ACSM5: variants seen among roughly 807,000 people sequenced by gnomAD.
ACSM5 encodes the protein acyl-CoA synthetase medium chain family member 5, also known as acyl-coenzyme A synthetase ACSM5, mitochondrial.
Under a neutral mutation model 71.6 loss-of-function variants are expected in ACSM5, and 56 were observed. The ratio of observed to expected loss-of-function variants is 0.78; its 90% CI spans 0.63 to 0.98. The LOEUF (loss-of-function observed/expected upper bound fraction) is 0.98, where lower values mean the gene tolerates loss of function less well. Ranked by LOEUF, ACSM5 falls within the 50% of genes least tolerant of loss-of-function variation. The pLI is 0.00. For missense variants in ACSM5, 723 were observed against 726.0 expected (o/e 1.00, Z 0.05); for synonymous variants, 285 against 281.5 (o/e 1.01, Z -0.12).
rs767072905 is a variant in ACSM5, at chr16:20,440,348, C to T, written c.1661C>T (p.Ala554Val). 6.4e-7 allele frequency: 1 copy of T among 1,566,512 alleles called. No individual in the cohort carries two copies. Among genetic ancestry groups the T allele is most frequent in the Non-Finnish European group, 8.8e-7 (1 of 1,136,222 alleles). The change falls in exon 14 of 14, where the codon GCC (alanine) becomes GTC (valine). Residue 554 changes from alanine to valine, a missense_variant. Physicochemically the swap from Ala to Val is moderately conservative, Grantham distance 64 (BLOSUM62 0). Transcript: ENST00000331849. ...TGTTTTGTGTTTGGTCACTAGGTGG[C>T]CTTTGTTTCAGAACTGCCAAAGACG... ...TAPYKYPRKV[A>V]FVSELPKTVS...
intron 12 of ACSM5, 113 bp downstream of exon 12, chr16:20,437,480 A>C: frequency 1.2e-6 from 1 of 862,906 alleles, no homozygotes; most frequent in South Asian, 1.6e-5. Flanking sequence ...TTGTGCCACA[A>C]AGTTGAAATG....
chr16:20,438,970 A>C (rs1182147675), intron 12 of ACSM5, among the ~76,000 whole-genome samples: 1 of 150,042 alleles, frequency 6.7e-6, no homozygotes, highest in Admixed American at 6.7e-5. Flanking sequence ...AAAAAAAAAA[A>C]AAAAAAAAGT....
intron 6 of ACSM5, among the ~76,000 whole-genome samples, chr16:20,427,014 C>A (rs1966993088): frequency 6.6e-6 from 1 of 150,600 alleles, no homozygotes; most frequent in Non-Finnish European, 1.5e-5. Context: ...CTTAAAAGTT[C>A]ACTGGTGGCC....
intron 2 of ACSM5, among the ~76,000 whole-genome samples, chr16:20,416,595 C>G (rs1374029348): frequency 6.6e-6 from 1 of 151,982 alleles, no homozygotes; most frequent in African/African-American, 2.4e-5. Context: ...TATCAAAGAC[C>G]TAAATGAAGA....
chr16:20,422,138 G>C (rs1210909344), intron 5 of ACSM5, among the ~76,000 whole-genome samples: 1 of 151,902 alleles, frequency 6.6e-6, no homozygotes, highest in African/African-American at 2.4e-5. Context: ...TTGAGACAGA[G>C]TTTTGCTCTT....
intron 6 of ACSM5, among the ~76,000 whole-genome samples, chr16:20,426,522 T>A (rs1314163565): frequency 6.6e-6 from 1 of 152,178 alleles, no homozygotes; most frequent in Non-Finnish European, 1.5e-5. Flanking sequence ...CATCCACAGA[T>A]GAATGAATAA....
chr16:20,437,668 T>A (rs1290699499), intron 12 of ACSM5, among the ~76,000 whole-genome samples: 4 of 145,782 alleles, frequency 2.7e-5, no homozygotes, highest in Admixed American at 2.7e-4. Context: ...TCCTGTCTAA[T>A]AAAAAGTCTT....
intron 6 of ACSM5, among the ~76,000 whole-genome samples, chr16:20,427,311 C>T (rs1967001712): frequency 6.6e-6 from 1 of 152,064 alleles, no homozygotes; most frequent in South Asian, 2.1e-4. Context: ...AAAAACCAAA[C>T]AAAAAACAAA....
Position 20,419,271 on chromosome 16 carries a change from C to A in ACSM5, c.459C>A (p.Asp153Glu). ...GTGTGACTCAGCTGACAGAGAAGGA[C>A]CTCAAGTACCGGCTGCAGGCGTCCA... Reference protein sequence around the residue: ...IPGVTQLTEKDLKYRLQASRA... With the variant: ...IPGVTQLTEKELKYRLQASRA... The change falls in exon 4 of 14, where the codon GAC becomes GAA. Residue 153 changes from aspartate (D) to glutamate (E), a missense_variant. Asp to Glu is a conservative substitution (Grantham distance 45, BLOSUM62 2). Transcript: ENST00000331849. 1 of 1,614,104 alleles carries A rather than the reference C, an allele frequency of 6.2e-7. No homozygotes were observed. The highest frequency in any genetic ancestry group is 2.2e-5 in the East Asian group (1 of 44,862).
At position 20,440,478 on chromosome 16, in the gene ACSM5, A is replaced by G; in HGVS notation, c.*51A>G. 2 of 1,496,210 alleles carry G rather than the reference A, an allele frequency of 1.3e-6. No individual in the cohort carries two copies. The highest frequency in any genetic ancestry group is 1.4e-5 in the African/African-American group (1 of 73,156). 92.7% of individuals were successfully genotyped at this position (1,496,210 alleles called of 1,614,324 possible). ...ACCTCCGAAGACTCCACAAGAAACT[A>G]ATGGATCACTGGTCAGTCCCCATGG... On this transcript the variant is annotated 3_prime_UTR_variant, in exon 14 of 14. Transcript: ENST00000331849.
At position 20,418,223 on chromosome 16, in the gene ACSM5, A is replaced by G; in HGVS notation, c.369A>G (p.Pro123=). The G allele has an allele frequency of 6.2e-7, 1 of 1,612,336 alleles. No individual in the cohort carries two copies. Among genetic ancestry groups the G allele is most frequent in the Non-Finnish European group, 8.5e-7 (1 of 1,179,810 alleles). The change falls in exon 3 of 14, where the codon CCA becomes CCG. Residue 123 remains proline (P), a synonymous_variant. Coordinates refer to ENST00000331849, the MANE Select transcript of ACSM5 (RefSeq NM_017888.3). ...GGGACAGAATGATGCTGGTACTCCC[A>G]CGGCTCCCGGAGTGGTGGCTGGTCA... ...QPGDRMMLVL[P]RLPEWWLVSV...
In ACSM5 at chr16:20,441,220, G is replaced by A. The variant is rs1319522090; in HGVS notation, c.*793G>A. The A allele has an allele frequency of 1.3e-5, 2 of 152,194 alleles. No homozygotes were observed. The highest frequency in any genetic ancestry group is 1.5e-5 in the Non-Finnish European group (1 of 68,038). 9.4% of individuals were successfully genotyped at this position (152,194 alleles called of 1,614,324 possible). A position where few individuals can be genotyped will look rare whatever the true frequency, so the allele number is the denominator to read the frequency against. Reference sequence around the variant, plus strand: ...CCTGGAGATTGAGGAGGGAGGGAGAGAAAATAATGGATGGTAGTTTTTCTT... The same window carrying A: ...CCTGGAGATTGAGGAGGGAGGGAGAAAAAATAATGGATGGTAGTTTTTCTT... On this transcript the variant is annotated 3_prime_UTR_variant, in exon 14 of 14. Transcript: ENST00000331849.
Position 20,424,026 on chromosome 16 carries a change from T to C in ACSM5, c.878T>C (p.Phe293Ser). Reference protein sequence around the residue: ...FSAWPNGSCIFVHELPRVDAK... With the variant: ...FSAWPNGSCISVHELPRVDAK... ...GCCTGGCCTAATGGATCTTGCATTT[T>C]TGTGCATGAGCTGCCCCGAGTTGAT... The change falls in exon 6 of 14, where the codon TTT becomes TCT. Residue 293 changes from phenylalanine to serine, a missense_variant. Physicochemically the swap from Phe to Ser is radical, Grantham distance 155 (BLOSUM62 -2). Transcript: ENST00000331849. The C allele has an allele frequency of 6.2e-7, 1 of 1,614,198 alleles. No individual in the cohort carries two copies. Among genetic ancestry groups the C allele is most frequent in the Non-Finnish European group, 8.5e-7 (1 of 1,180,018 alleles).
At position 20,440,510 on chromosome 16, in the gene ACSM5, T is replaced by A; in HGVS notation, c.*83T>A. 1.6e-6 allele frequency: 2 copies of A among 1,273,064 alleles called. No homozygotes were observed. Among genetic ancestry groups the A allele is most frequent in the African/African-American group, 1.5e-5 (1 of 68,576 alleles). The allele number at this position is 1,273,064 out of a possible 1,614,324, so 78.9% of individuals were successfully genotyped here. ...CACTGGTCAGTCCCCATGGGGAGCA[T>A]CATCTCTTCGACCCTAAAGATGTCA... On this transcript the variant is annotated 3_prime_UTR_variant, in exon 14 of 14. Coordinates refer to ENST00000331849, the MANE Select transcript of ACSM5 (RefSeq NM_017888.3).
At position 20,424,046 on chromosome 16, in the gene ACSM5, G is replaced by A; in HGVS notation, c.898G>A (p.Val300Ile). ...CATTTTTGTGCATGAGCTGCCCCGA[G>A]TTGATGCCAAAGTTATCCTGAATGT... Reference protein sequence around the residue: ...SCIFVHELPRVDAKVILNTLS... With the variant: ...SCIFVHELPRIDAKVILNTLS... The change falls in exon 6 of 14, where the codon GTT (valine) becomes ATT (isoleucine). Residue 300 changes from valine to isoleucine, a missense_variant. Transcript: ENST00000331849. The A allele has an allele frequency of 1.2e-6, 2 of 1,614,098 alleles. No individual in the cohort carries two copies. Among genetic ancestry groups the A allele is most frequent in the South Asian group, 2.2e-5 (2 of 91,070 alleles).
At position 20,427,769 on chromosome 16, in the gene ACSM5, A is replaced by G. The variant is rs180687378; in HGVS notation, c.922-19A>G. ...CCCAATGATTCTAAGGACATCTTTCACCCTTTGTTTTTGTTTAGACTCTCT... is the reference window on the plus strand; with the variant it reads ...CCCAATGATTCTAAGGACATCTTTCGCCCTTTGTTTTTGTTTAGACTCTCT... On this transcript the variant is annotated intron_variant, in intron 6 of 13. Transcript: ENST00000331849. 4.0e-5 allele frequency: 62 copies of G among 1,563,808 alleles called. No homozygotes were observed. In the East Asian group the frequency reaches 1.2e-3, roughly 29 times the overall value.
rs557998101 is a variant in ACSM5 at position 20,427,099 on chromosome 16, A to G, written c.922-689A>G. Among the ~76,000 whole-genome samples the G allele has an allele frequency of 2.9e-4, 44 of 151,924 alleles. No individual in the cohort carries two copies. In the East Asian group the frequency reaches 3.3e-3, roughly 11 times the overall value. On this transcript the variant is annotated intron_variant, in intron 6 of 13. Transcript: ENST00000331849. ...GGGTGAATCATGAGGTCAGGAGTTA[A>G]AGACCAGCCTGGCCAGGATGGTGAA...
At chr16:20,428,750 C>G (rs1475188272) in intron 7 of ACSM5, among the ~76,000 whole-genome samples, 1 of 152,106 alleles carries the variant, frequency 6.6e-6, no homozygotes, top group African/African-American at 2.4e-5. Flanking sequence ...GCTCCAAGTA[C>G]CTCGTTAAGA....
rs1967095389 is a variant in ACSM5, at chr16:20,431,297, CT to C, written c.1286del (p.Phe429SerfsTer46). On this transcript the variant is annotated frameshift_variant, in exon 10 of 14. Transcript: ENST00000331849. LOFTEE classifies it high-confidence loss of function. Reference protein sequence around the residue: ...VAVRIRPTRPFCFFNCYLDNP... With the variant: ...VAVRIRPTRPXCFFNCYLDNP... Reference sequence around the variant, plus strand: ...CCGTCCGTATCAGACCCACTCGGCCCTTCTGTTTCTTCAATTGCTATTTGGT... The same window carrying C: ...CCGTCCGTATCAGACCCACTCGGCCCTCTGTTTCTTCAATTGCTATTTGGT... The C allele has an allele frequency of 1.2e-6, 2 of 1,614,050 alleles. No individual in the cohort carries two copies. The highest frequency in any genetic ancestry group is 3.3e-5 in the Admixed American group (2 of 60,008).
Sources: gnomAD v4.1 joint callset for allele counts (sites outside exome capture counted in the v4.1 genomes callset) on GRCh38, gnomAD v4.1.1 for gene constraint, MANE v1.5 for transcripts, NCBI Gene and HGNC (gene_info 2026-07-23, HGNC 2026-07-21) for gene names.